Variants in RIN1 observed in about 807,000 individuals in gnomAD.
RIN1 encodes Ras and Rab interactor 1.
In RIN1, 52 loss-of-function variants were observed where a neutral mutation model predicts 64.9. The observed-to-expected ratio is 0.80, with a 90% CI of 0.64 to 1.01. The LOEUF is 1.01. Ranked by LOEUF, RIN1 falls within the 50% of genes least tolerant of loss-of-function variation. The pLI is 0.00. For missense variants in RIN1, 1,040 were observed against 1,064.5 expected (o/e 0.98, Z 0.32); for synonymous variants, 486 against 483.6 (o/e 1.00, Z -0.06).
In RIN1 at chr11:66,335,791, G is replaced by A; in HGVS notation, c.353C>T (p.Ser118Phe). ...AGGGCTCTCCAGGATGTAGTGGCTG[G>A]AGACGAAGGAGGGGCCACTGGCTTC... ...LPEASGPSFVSSHYILESPGG... is the reference protein window; with the variant it reads ...LPEASGPSFVFSHYILESPGG... Residue 118 changes from serine (S) to phenylalanine (F), a missense_variant, in exon 3 of 10, where the codon TCC (serine) becomes TTC (phenylalanine). Physicochemically the swap from Ser to Phe is radical, Grantham distance 155. Transcript: ENST00000311320. The A allele has an allele frequency of 6.2e-7, 1 of 1,611,490 alleles. No individual in the cohort carries two copies. The highest frequency in any genetic ancestry group is 8.5e-7 in the Non-Finnish European group (1 of 1,178,192).
Position 66,333,242 on chromosome 11 carries a change from G to C in RIN1, c.1875+16C>G. The C allele has an allele frequency of 1.9e-6, 3 of 1,608,594 alleles. No individual in the cohort carries two copies. In the African/African-American group the frequency reaches 4.0e-5, roughly 21 times the overall value. Reference sequence around the variant, plus strand: ...GATGGCGTCTGGCTCTGAGGACACGGTGGAGGGCCTGTTACCTGGAAGCAG... The same window carrying C: ...GATGGCGTCTGGCTCTGAGGACACGCTGGAGGGCCTGTTACCTGGAAGCAG... On this transcript the variant is annotated intron_variant, in intron 9 of 9. Transcript: ENST00000311320.
Position 66,335,702 on chromosome 11 carries a change from A to G in RIN1, c.383-20T>C. 1.2e-6 allele frequency: 2 copies of G among 1,612,648 alleles called. No individual in the cohort carries two copies. Among genetic ancestry groups the G allele is most frequent in the African/African-American group, 2.7e-5 (2 of 75,012 alleles). ...AGACGCCTGAGAGAGGAGGGAAGTG[A>G]GGTGCTTCTCTGGGGAACCTCCCTG... On this transcript the variant is annotated intron_variant, in intron 3 of 9. Transcript: ENST00000311320.
intron 6 of RIN1, 69 bp from the exon 7 acceptor site, chr11:66,334,293 G>C: frequency 1.5e-6 from 2 of 1,330,752 alleles, no homozygotes; most frequent in Non-Finnish European, 2.0e-6. Flanking sequence ...GGGGAGAAGG[G>C]AGCAGGGGTA....
upstream of RIN1, chr11:66,336,447 C>A (rs752463732): frequency 6.5e-6 from 10 of 1,546,408 alleles, no homozygotes; most frequent in Middle Eastern, 1.7e-4. Context: ...AGTCCCAAGG[C>A]AAGGCACGCA....
At chr11:66,333,888 A>G in intron 7 of RIN1, 31 bp downstream of exon 7, 1 of 1,487,416 alleles carries the variant, frequency 6.7e-7, no homozygotes, top group African/African-American at 1.4e-5. Flanking sequence ...TCAAAGGGGC[A>G]GGGCAGGGTG....
chr11:66,335,530 A>T, intron 4 of RIN1, 32 bp from the exon 5 acceptor site: 2 of 1,612,776 alleles, frequency 1.2e-6, no homozygotes, highest in African/African-American at 2.7e-5. Context: ...GAAGGGAGTG[A>T]GGGCCGAAGA....
intron 5 of RIN1, 26 bp from the exon 6 acceptor site, chr11:66,335,277 C>T: frequency 6.4e-7 from 1 of 1,562,886 alleles, no homozygotes; most frequent in East Asian, 2.3e-5. Flanking sequence ...CCGACTGGGG[C>T]CTCCGGGACT....
chr11:66,335,369 C>T (rs1243379225), intron 5 of RIN1, 38 bp downstream of exon 5: 1 of 1,570,606 alleles, frequency 6.4e-7, no homozygotes, highest in African/African-American at 1.4e-5. Context: ...TCGGCCTCAG[C>T]TTGTTCATCT....
At position 66,332,597 on chromosome 11, in the gene RIN1, C is replaced by T. The variant is rs1286294321; in HGVS notation, c.2031G>A (p.Lys677=). The T allele has an allele frequency of 3.7e-6, 6 of 1,608,492 alleles. No homozygotes were observed. The highest frequency in any genetic ancestry group is 3.4e-5 in the Admixed American group (2 of 59,524). Residue 677 remains lysine, a synonymous_variant, in exon 10 of 10, where the codon AAG becomes AAA. Coordinates refer to ENST00000311320, the MANE Select transcript of RIN1 (RefSeq NM_004292.3). ...GGGGCAGGCGGTGGTAGCCCTGCTC[C>T]TTGTACAGGAAGAGGCCAAAAGTGT... ...QPNTFGLFLY[K]EQGYHRLPPG...
chr11:66,332,988 G>A (rs1052972656), intron 9 of RIN1: 9 of 605,272 alleles, frequency 1.5e-5, no homozygotes, highest in South Asian at 2.0e-5. Context: ...AGATTTGATA[G>A]TGAGTAATTT....
chr11:66,334,431 C>G, intron 6 of RIN1, 83 bp downstream of exon 6: 1 of 1,522,290 alleles, frequency 6.6e-7, no homozygotes, highest in Admixed American at 2.1e-5. Context: ...AGCAGCAGAA[C>G]AGAATCAGAC....
chr11:66,330,295 T>TCTCTGCACTAGGGGTGCA lies in RIN1; in HGVS notation c.*1980_*1981insTGCACCCCTAGTGCAGAG, dbSNP rs2134930204. On this transcript the variant is annotated 3_prime_UTR_variant, in exon 10 of 10. Coordinates refer to ENST00000311320, the MANE Select transcript of RIN1 (RefSeq NM_004292.3). ...GGCATTTGTGCTCAGCATTGGACTG[T>TCTCTGCACTAGGGGTGCA]GTGAGGCACTAGGGGTGAGTGGTGA... 1 of 152,310 alleles carries TCTCTGCACTAGGGGTGCA rather than the reference T, an allele frequency of 6.6e-6. No homozygotes were observed. The highest frequency in any genetic ancestry group is 6.5e-5 in the Admixed American group (1 of 15,278). The allele number at this position is 152,310 out of a possible 1,614,324, so 9.4% of individuals were successfully genotyped here. A position where few individuals can be genotyped will look rare whatever the true frequency, so the allele number is the denominator to read the frequency against.
chr11:66,335,834 GGGCCTGGCACTGGCGGGTGTTAGATTTCC>G lies in RIN1; in HGVS notation c.281_309del (p.Arg94ProfsTer7). 1.2e-6 allele frequency: 2 copies of G among 1,603,042 alleles called. No individual in the cohort carries two copies. Among genetic ancestry groups the G allele is most frequent in the Non-Finnish European group, 1.7e-6 (2 of 1,173,390 alleles). On this transcript the variant is annotated frameshift_variant, in exon 3 of 10. Transcript: ENST00000311320. LOFTEE classifies it high-confidence loss of function. ...CTGGCTTCAGGCAACCGCATGCACA[GGGCCTGGCACTGGCGGGTGTTAGATTTCC>G]GCACGAGGAACGTCTGCAAGTGGAT...
In RIN1 at chr11:66,333,315, T is replaced by C. The variant is rs542342081; in HGVS notation, c.1818A>G (p.Leu606=). 28 of 1,612,952 alleles carry C rather than the reference T, an allele frequency of 1.7e-5. 1 individual carries two copies. The South Asian group carries it at 3.0e-4, about 17-fold the overall frequency. The change falls in exon 9 of 10, where the codon CTA becomes CTG. Residue 606 remains leucine, a synonymous_variant. Coordinates refer to ENST00000311320, the MANE Select transcript of RIN1 (RefSeq NM_004292.3). The stretch of plus-strand genomic sequence containing the variant: ...GCTCCCAGAGGCTGAGGGAGCGCCG[T>C]AGCTCCTGCACGGGGCTCAGTGGGA... The part of the protein sequence containing the change: ...HTLPLSPVQE[L]RRSLSLWEQR...
Position 66,335,221 on chromosome 11 carries a change from G to A in RIN1, c.578C>T (p.Ala193Val). 1 of 1,576,216 alleles carries A rather than the reference G, an allele frequency of 6.3e-7. No homozygotes were observed. The highest frequency in any genetic ancestry group is 8.5e-7 in the Non-Finnish European group (1 of 1,171,718). The part of the protein sequence containing the change: ...EFWSSSLNIK[A>V]QRGPAGGPVL... ...TGGGCCTCCAGCCGGGCCCCGCTGA[G>A]CCTTGATGTTGAGGGAGGAGCTCCA... Residue 193 changes from alanine (A) to valine (V), a missense_variant, in exon 6 of 10, where the codon GCT (alanine) becomes GTT (valine). Transcript: ENST00000311320.
intron 9 of RIN1, 102 bp from the exon 10 acceptor site, chr11:66,332,854 G>A (rs1401708279): frequency 1.1e-6 from 1 of 924,622 alleles, no homozygotes. Context: ...GGGACAGGGT[G>A]GGTAGGTGGA....
chr11:66,333,116 C>T (rs1421672359), intron 9 of RIN1, 142 bp downstream of exon 9: 7 of 999,976 alleles, frequency 7.0e-6, no homozygotes, highest in African/African-American at 4.8e-5. Context: ...TTAAGTAACT[C>T]GCCCAAGTCC....
At position 66,336,376 on chromosome 11, in the gene RIN1, C is replaced by T. The variant is rs749110420; in HGVS notation, c.27G>A (p.Ala9=). The change falls in exon 1 of 10, where the codon GCG becomes GCA. Residue 9 remains alanine, a synonymous_variant. Transcript: ENST00000311320. ...ACGGGCTGGGGGCTCCAGGAGAGCC[C>T]GCGCCTGACTCTCCAGGGCTTTCCA... MESPGESG[A]GSPGAPSPSS... The T allele has an allele frequency of 1.6e-5, 26 of 1,613,426 alleles. No homozygotes were observed. Among genetic ancestry groups the T allele is most frequent in the Admixed American group, 6.7e-5 (4 of 59,950 alleles).
chr11:66,334,073 G>A lies in RIN1; in HGVS notation c.1437C>T (p.Ala479=). 1 of 1,569,678 alleles carries A rather than the reference G, an allele frequency of 6.4e-7. No individual in the cohort carries two copies. The highest frequency in any genetic ancestry group is 1.9e-5 in the Admixed American group (1 of 52,392). The change falls in exon 7 of 10, where the codon GCC becomes GCT. Residue 479 remains alanine, a synonymous_variant. Coordinates refer to ENST00000311320, the MANE Select transcript of RIN1 (RefSeq NM_004292.3). ...LRLARAQGPG[A]FGSHLSLPSP... ...AGGGCAGGCTCAGGTGGGACCCGAA[G>A]GCTCCGGGGCCCTGGGCCCGGGCCA...
Sources: gnomAD v4.1 joint callset for allele counts on GRCh38, gnomAD v4.1.1 for gene constraint, MANE v1.5 for transcripts, NCBI Gene and HGNC (gene_info 2026-07-23, HGNC 2026-07-21) for gene names.